The following DOCK1 variants were observed in gnomAD, a reference collection of about 807,000 sequenced individuals.
DOCK1 encodes dedicator of cytokinesis 1, also known as dedicator of cytokinesis protein 1.
DOCK1 carries 138 observed loss-of-function variants against 262.7 expected under a neutral mutation model. The observed-to-expected ratio is 0.53, with a 90% CI of 0.46 to 0.61. The LOEUF (loss-of-function observed/expected upper bound fraction) is 0.61, where lower values mean the gene tolerates loss of function less well. DOCK1 is among the 20% of genes least tolerant of loss of function. The pLI, the probability that DOCK1 is intolerant of heterozygous loss-of-function variation, is 0.00. For missense variants in DOCK1, 1,908 were observed against 2,370.7 expected, an observed-to-expected ratio of 0.80 and a Z score of 4.05; for synonymous variants, 866 against 867.4, an observed-to-expected ratio of 1.00 and a Z score of 0.03.
Position 127,384,848 on chromosome 10 carries a change from C to T in DOCK1, c.3866C>T (p.Thr1289Met), listed in dbSNP as rs994557124. 1.6e-5 allele frequency: 25 copies of T among 1,609,526 alleles called. No homozygotes were observed. Among genetic ancestry groups the T allele is most frequent in the East Asian group, 2.2e-5 (1 of 44,562 alleles). The change falls in exon 38 of 52, where the codon ACG becomes ATG. Residue 1289 changes from threonine (T) to methionine (M), a missense_variant. Physicochemically the swap from Thr to Met is moderately conservative, Grantham distance 81 (BLOSUM62 -1). Transcript: ENST00000623213. ...CAGCGGGACGGGTACCAGGCCACCACGCAGGGACAGCTGAAGGAGCAGCTC... is the reference window on the plus strand; with the variant it reads ...CAGCGGGACGGGTACCAGGCCACCATGCAGGGACAGCTGAAGGAGCAGCTC... ...LTQRDGYQAT[T>M]QGQLKEQLYQ...
At chr10:127,304,898 C>G (rs1730929009) in intron 29 of DOCK1, among the ~76,000 whole-genome samples, 2 of 152,110 alleles carry the variant, frequency 1.3e-5, no homozygotes, top group Non-Finnish European at 2.9e-5. Flanking sequence ...AACAAAACAA[C>G]AACAACAAAA....
At chr10:127,230,032 A>C (rs1693205878) in intron 27 of DOCK1, among the ~76,000 whole-genome samples, 1 of 152,176 alleles carries the variant, frequency 6.6e-6, no homozygotes, top group Non-Finnish European at 1.5e-5. Flanking sequence ...ATTTTGAAAA[A>C]TATCTATCCA....
chr10:127,127,615 C>A, intron 26 of DOCK1, 54 bp from the exon 27 acceptor site: 1 of 1,407,328 alleles, frequency 7.1e-7, no homozygotes, highest in Non-Finnish European at 1.0e-6. Context: ...ACCACTGGGG[C>A]TTGCATGTTA....
intron 29 of DOCK1, among the ~76,000 whole-genome samples, chr10:127,258,233 G>T (rs1426045133): frequency 6.6e-6 from 1 of 152,072 alleles, no homozygotes; most frequent in Non-Finnish European, 1.5e-5. Flanking sequence ...TGAAGCCACT[G>T]AGTGTTTCCA....
intron 3 of DOCK1, among the ~76,000 whole-genome samples, chr10:126,978,292 G>A (rs548093516): frequency 6.6e-6 from 1 of 152,242 alleles, no homozygotes; most frequent in South Asian, 2.1e-4. Context: ...AGAATGATCC[G>A]AGTAAAGCGA....
intron 1 of DOCK1, among the ~76,000 whole-genome samples, chr10:126,968,496 A>G (rs1441901550): frequency 2.0e-5 from 3 of 152,148 alleles, no homozygotes; most frequent in Non-Finnish European, 2.9e-5. Flanking sequence ...GATTTCAATC[A>G]CTGCTTTCCA....
At position 127,042,516 on chromosome 10, in the gene DOCK1, G is replaced by A. The variant is rs1490750951; in HGVS notation, c.2011-109G>A. On this transcript the variant is annotated intron_variant, in intron 19 of 51. Coordinates refer to ENST00000623213, the MANE Select transcript of DOCK1 (RefSeq NM_001290223.2). Reference sequence around the variant, plus strand: ...GATCCCGAATGGCTTTATAGGTAGTGCTGGGGGCAAAGTGGGTATTTGGAG... The same window carrying A: ...GATCCCGAATGGCTTTATAGGTAGTACTGGGGGCAAAGTGGGTATTTGGAG... 7.1e-6 allele frequency: 7 copies of A among 990,208 alleles called. No individual in the cohort carries two copies. In the African/African-American group the frequency reaches 1.1e-4, roughly 16 times the overall value. 61.3% of individuals were successfully genotyped at this position (990,208 alleles called of 1,614,324 possible).
intron 42 of DOCK1, among the ~76,000 whole-genome samples, chr10:127,409,689 C>T (rs2067730613): frequency 6.6e-6 from 1 of 152,134 alleles, no homozygotes; most frequent in African/African-American, 2.4e-5. Flanking sequence ...ATAGACCTGC[C>T]CTGTGGGGTA....
At chr10:126,927,446 C>CT (rs375447444) in intron 1 of DOCK1, among the ~76,000 whole-genome samples, 2,367 of 149,272 alleles carry the variant, frequency 0.016, 60 homozygotes, top group African/African-American at 0.053. Context: ...CTGTCTCATT[C>CT]TTTTTTTTTT....
chr10:127,130,760 T>C (rs951571346), intron 27 of DOCK1, among the ~76,000 whole-genome samples: 2 of 152,152 alleles, frequency 1.3e-5, no homozygotes, highest in African/African-American at 4.8e-5. Context: ...CAAGAAACAG[T>C]TCAAGATCCC....
intron 1 of DOCK1, among the ~76,000 whole-genome samples, chr10:126,950,209 C>T (rs943379588): frequency 1.3e-5 from 2 of 152,138 alleles, no homozygotes; most frequent in South Asian, 2.1e-4. Flanking sequence ...ACAGCTTTTC[C>T]TAGTTGTGTT....
chr10:127,424,862 A>T (rs1486500285), intron 46 of DOCK1, among the ~76,000 whole-genome samples: 1 of 152,208 alleles, frequency 6.6e-6, no homozygotes, highest in Admixed American at 6.5e-5. Flanking sequence ...GCCTCCAAGC[A>T]GGCTAGGAGG....
At chr10:127,075,346 A>C (rs1321813802) in intron 23 of DOCK1, among the ~76,000 whole-genome samples, 1 of 152,020 alleles carries the variant, frequency 6.6e-6, no homozygotes, top group Non-Finnish European at 1.5e-5. Context: ...ATCTTGGCTC[A>C]CTGTAGCCTT....
At position 127,159,965 on chromosome 10, in the gene DOCK1, G is replaced by GA. The variant is rs373779673; in HGVS notation, c.2847+32203dup. On this transcript the variant is annotated intron_variant, in intron 27 of 51. Transcript: ENST00000623213. ...AAGTCAGCAGGGCCCTGGGTGTTAG[G>GA]AAGGGTGTTGAGAAATGTCAGAGAA... is the stretch of plus-strand genomic sequence containing the variant. 7.4e-3 allele frequency among the ~76,000 whole-genome samples: 1,128 copies of GA among 152,272 alleles called. 3 individuals are homozygous for GA. The highest frequency in any genetic ancestry group is 0.01 in the Admixed American group (155 of 15,298).
chr10:127,233,605 T>A (rs934267819), intron 27 of DOCK1, among the ~76,000 whole-genome samples: 2 of 152,224 alleles, frequency 1.3e-5, no homozygotes, highest in Non-Finnish European at 2.9e-5. Flanking sequence ...AATGTTTAAA[T>A]TCAGCTGCCA....
intron 27 of DOCK1, among the ~76,000 whole-genome samples, chr10:127,197,914 G>A (rs1481365004): frequency 6.6e-6 from 1 of 152,192 alleles, no homozygotes; most frequent in Non-Finnish European, 1.5e-5. Flanking sequence ...AATCTAAAAT[G>A]TCATCTATTT....
chr10:127,169,091 T>C (rs545269796), intron 27 of DOCK1, among the ~76,000 whole-genome samples: 2 of 152,330 alleles, frequency 1.3e-5, no homozygotes, highest in African/African-American at 4.8e-5. Context: ...AAACATGTTC[T>C]GTGATGGCTT....
intron 27 of DOCK1, among the ~76,000 whole-genome samples, chr10:127,128,336 ATTT>A (rs59508487): frequency 1.2e-4 from 17 of 137,346 alleles, no homozygotes; most frequent in African/African-American, 4.4e-4. Context: ...ATCTCGTTTA[ATTT>A]TTTTTTTTTT....
At chr10:127,056,602 CCCT>C (rs1219312404) in intron 22 of DOCK1, among the ~76,000 whole-genome samples, 3 of 152,166 alleles carry the variant, frequency 2.0e-5, no homozygotes, top group Non-Finnish European at 4.4e-5. Flanking sequence ...CTCTCTCCTT[CCCT>C]CCTTTTTTCT....
Sources: allele counts gnomAD v4.1 joint callset (sites outside exome capture counted in the v4.1 genomes callset), GRCh38; gene constraint gnomAD v4.1.1; transcripts MANE v1.5; gene names NCBI Gene and HGNC (gene_info 2026-07-23, HGNC 2026-07-21).